The following MYH4 variants were observed in gnomAD, a reference collection of about 807,000 sequenced individuals.
The protein encoded by MYH4 is myosin-4.
A neutral mutation model predicts 229.9 loss-of-function variants in MYH4; 200 were observed. That is an observed-to-expected ratio of 0.87 (90% CI 0.78 to 0.98). The LOEUF (loss-of-function observed/expected upper bound fraction) is 0.98, where lower values mean the gene tolerates loss of function less well. MYH4 is among the 50% of genes least tolerant of loss of function. MYH4 has a pLI of 0.00. For synonymous variants in MYH4, 761 were observed against 834.6 expected, an observed-to-expected ratio of 0.91 and a Z score of 1.52; for missense variants, 2,148 against 2,332.6, an observed-to-expected ratio of 0.92 and a Z score of 1.63.
chr17:10,469,405 A>G (rs941565196), intron 1 of MYH4, 69 bp from the exon 2 acceptor site: 1 of 152,222 alleles, frequency 6.6e-6, no homozygotes, highest in East Asian at 1.9e-4. Flanking sequence ...ACTAGTAACT[A>G]TATTGTCTAC....
intron 15 of MYH4, among the ~76,000 whole-genome samples, chr17:10,458,974 C>T (rs1567704241): frequency 6.6e-6 from 1 of 152,158 alleles, no homozygotes; most frequent in Admixed American, 6.5e-5. Context: ...CCCTTTCTCC[C>T]ATATGCATGA....
rs1292373709 is a variant in MYH4 at position 10,452,105 on chromosome 17, T to G, written c.3574A>C (p.Thr1192Pro). Residue 1192 changes from threonine to proline, a missense_variant, in exon 27 of 40, where the codon ACG becomes CCG. Coordinates refer to ENST00000255381, the MANE Select transcript of MYH4 (RefSeq NM_017533.2). The stretch of plus-strand genomic sequence containing the variant: ...TGCTTCTTCCGAAGAGCAGCTGCCG[T>G]GGCTTCGTGCTGCAGGGTGGACTCT... ...LEESTLQHEA[T>P]AAALRKKHAD... is the part of the protein sequence containing the mutation. 6.2e-6 allele frequency: 10 copies of G among 1,614,052 alleles called. No individual in the cohort carries two copies. The East Asian group carries it at 2.2e-4, about 36-fold the overall frequency.
rs112090583 is a variant in MYH4 at position 10,463,725 on chromosome 17, C to T, written c.649-82G>A. ...TTGACCTCTTTCCCTTCCCCATTGCCCCTGCACAGTATTCTGTAACTTTGG... is the reference window on the plus strand; with the variant it reads ...TTGACCTCTTTCCCTTCCCCATTGCTCCTGCACAGTATTCTGTAACTTTGG... On this transcript the variant is annotated intron_variant, in intron 7 of 39. Coordinates refer to ENST00000255381, the MANE Select transcript of MYH4 (RefSeq NM_017533.2). 2.2e-4 allele frequency: 229 copies of T among 1,063,564 alleles called. 2 individuals carry two copies. In the African/African-American group the frequency reaches 2.9e-3, roughly 14 times the overall value. 65.9% of individuals were successfully genotyped at this position (1,063,564 alleles called of 1,614,324 possible). A position where few individuals can be genotyped will look rare whatever the true frequency, so the allele number is the denominator to read the frequency against.
chr17:10,452,665 T>A, intron 25 of MYH4, 122 bp downstream of exon 25: 1 of 1,306,852 alleles, frequency 7.7e-7, no homozygotes, highest in Non-Finnish European at 1.1e-6. Context: ...AATAAAAAGG[T>A]CAAAGATGTC....
Position 10,443,386 on chromosome 17 carries a change from T to C in MYH4, c.5809A>G (p.Ser1937Gly). The C allele has an allele frequency of 1.2e-6, 2 of 1,614,066 alleles. No homozygotes were observed. The change falls in exon 40 of 40, where the codon AGT (serine) becomes GGT (glycine). Residue 1937 changes from serine to glycine, a missense_variant. Physicochemically the swap from Ser to Gly is moderately conservative, Grantham distance 56. Coordinates refer to ENST00000255381, the MANE Select transcript of MYH4 (RefSeq NM_017533.2). This position sits in a 1 kb window ranked among gnomAD's most constrained non-coding sequence, Gnocchi z 4.6. Reference protein sequence around the residue: ...KSREVHTKVISEE With the variant: ...KSREVHTKVIGEE ...TTCATTAGAATGAATTACTCTTCAC[T>C]TATGACTTTTGTGTGAACCTCCCGA... is the stretch of plus-strand genomic sequence containing the variant.
At chr17:10,446,332 C>T (rs1468301656) in intron 35 of MYH4, among the ~76,000 whole-genome samples, 1 of 151,998 alleles carries the variant, frequency 6.6e-6, no homozygotes, top group Non-Finnish European at 1.5e-5. Flanking sequence ...TGTGCTCTCA[C>T]CAGAGATAAA....
intron 5 of MYH4, among the ~76,000 whole-genome samples, chr17:10,465,145 C>A (rs1015110365): frequency 1.3e-5 from 2 of 152,160 alleles, no homozygotes; most frequent in East Asian, 3.9e-4. Context: ...AGAGTTGATG[C>A]CTAAATTTAA....
chr17:10,444,412 C>T (rs1400002672), intron 39 of MYH4, among the ~76,000 whole-genome samples, 192 bp downstream of exon 39: 2 of 152,076 alleles, frequency 1.3e-5, no homozygotes, highest in Non-Finnish European at 2.9e-5. Context: ...TTAAAGAGGT[C>T]TCAGAAGAAA....
In MYH4 at chr17:10,460,794, C is replaced by T. The variant is rs1233808524; in HGVS notation, c.1147+122G>A. On this transcript the variant is annotated intron_variant, in intron 12 of 39. Coordinates refer to ENST00000255381, the MANE Select transcript of MYH4 (RefSeq NM_017533.2). Reference sequence around the variant, plus strand: ...TAAAACGTCAGGCAGTGTGTAATTTCCTTCTCGTAATACTTTTGCCCTTCA... The same window carrying T: ...TAAAACGTCAGGCAGTGTGTAATTTTCTTCTCGTAATACTTTTGCCCTTCA... 4 of 994,976 alleles carry T rather than the reference C, an allele frequency of 4.0e-6. No homozygotes were observed. The African/African-American group carries it at 6.5e-5, about 16-fold the overall frequency. 61.6% of individuals were successfully genotyped at this position (994,976 alleles called of 1,614,324 possible). A position where few individuals can be genotyped will look rare whatever the true frequency, so the allele number is the denominator to read the frequency against.
In MYH4 at chr17:10,466,878, G is replaced by A. The variant is rs113170264; in HGVS notation, c.-39-94C>T. On this transcript the variant is annotated intron_variant, in intron 2 of 39. Coordinates refer to ENST00000255381, the MANE Select transcript of MYH4 (RefSeq NM_017533.2). ...TTAATGTGCTTAATTTTCCATGCTT[G>A]TTTCCTCACCCCTGCCTTTAGGGAC... The A allele has an allele frequency of 6.2e-4, 714 of 1,144,356 alleles. 6 individuals are homozygous for A. The African/African-American group carries it at 9.9e-3, about 16-fold the overall frequency. The allele number at this position is 1,144,356 out of a possible 1,614,324, so 70.9% of individuals were successfully genotyped here.
At chr17:10,457,230 A>G (rs2072650189) in intron 16 of MYH4, among the ~76,000 whole-genome samples, 190 bp downstream of exon 16, 1 of 152,238 alleles carries the variant, frequency 6.6e-6, no homozygotes, top group Non-Finnish European at 1.5e-5. Flanking sequence ...TAAATGCTCC[A>G]TAGTGTCACT....
In MYH4 at chr17:10,452,845, G is replaced by T; in HGVS notation, c.3199C>A (p.Gln1067Lys). 1 of 1,608,716 alleles carries T rather than the reference G, an allele frequency of 6.2e-7. No homozygotes were observed. The highest frequency in any genetic ancestry group is 1.7e-5 in the Admixed American group (1 of 58,526). ...TTTTCTGTATCCATTGTGGATTCTT[G>T]GGCCAATTTTAGGTCACCCTCCAGT... is the stretch of plus-strand genomic sequence containing the variant. ...RKLEGDLKLA[Q>K]ESTMDTENDK... Residue 1067 changes from glutamine (Q) to lysine (K), a missense_variant, in exon 25 of 40, where the codon CAA becomes AAA. Coordinates refer to ENST00000255381, the MANE Select transcript of MYH4 (RefSeq NM_017533.2).
intron 14 of MYH4, 126 bp from the exon 15 acceptor site, chr17:10,459,547 T>A: frequency 6.7e-7 from 1 of 1,484,274 alleles, no homozygotes; most frequent in Non-Finnish European, 9.1e-7. Context: ...CAGATTGTTT[T>A]CCTATTATAT....
In MYH4 at chr17:10,463,622, T is replaced by C; in HGVS notation, c.670A>G (p.Ile224Val). 4 of 1,610,922 alleles carry C rather than the reference T, an allele frequency of 2.5e-6. No individual in the cohort carries two copies. Among genetic ancestry groups the C allele is most frequent in the East Asian group, 2.2e-5 (1 of 44,858 alleles). The change falls in exon 8 of 40, where the codon ATC (isoleucine) becomes GTC (valine). Residue 224 changes from isoleucine (I) to valine (V), a missense_variant. By Grantham distance (29) the Ile-to-Val change is conservative. Coordinates refer to ENST00000255381, the MANE Select transcript of MYH4 (RefSeq NM_017533.2). ...KMQGTLEDQI[I>V]SANPLLEAFG... The stretch of plus-strand genomic sequence containing the variant: ...GCTTCCAGTAGGGGGTTAGCACTGA[T>C]GATTTGATCTTCAAGGGTCCCCTTA...
At chr17:10,449,598 G>A (rs1470836360) in intron 30 of MYH4, among the ~76,000 whole-genome samples, 1 of 152,194 alleles carries the variant, frequency 6.6e-6, no homozygotes, top group East Asian at 1.9e-4. Context: ...GCATTTTCTA[G>A]TATGGTTCTG....
intron 15 of MYH4, among the ~76,000 whole-genome samples, chr17:10,458,919 C>T (rs2072670806): frequency 6.6e-6 from 1 of 152,174 alleles, no homozygotes; most frequent in African/African-American, 2.4e-5. Context: ...GTCATGGGTA[C>T]ACCAGGGTTA....
chr17:10,452,290 C>T lies in MYH4; in HGVS notation c.3389G>A (p.Arg1130Gln), dbSNP rs1169215994. ...CTTCTCTGCTTTGGCCCGGGAGGCC[C>T]GCTCTGCCTCGATTTCCTCCTCCAG... ...EELEEEIEAERASRAKAEKQR... is the reference protein window; with the variant it reads ...EELEEEIEAEQASRAKAEKQR... The change falls in exon 27 of 40, where the codon CGG (arginine) becomes CAG (glutamine). Residue 1130 changes from arginine (R) to glutamine (Q), a missense_variant. By Grantham distance (43) the Arg-to-Gln change is conservative. Coordinates refer to ENST00000255381, the MANE Select transcript of MYH4 (RefSeq NM_017533.2). The T allele has an allele frequency of 1.2e-6, 2 of 1,614,082 alleles. No individual in the cohort carries two copies. The highest frequency in any genetic ancestry group is 1.7e-5 in the Admixed American group (1 of 60,016).
intron 30 of MYH4, 81 bp downstream of exon 30, chr17:10,450,372 C>T (rs532436059): frequency 1.3e-4 from 201 of 1,605,874 alleles, no homozygotes; most frequent in African/African-American, 6.7e-4. Context: ...TCCCCAAGCC[C>T]GGAATATTCT....
At position 10,444,810 on chromosome 17, in the gene MYH4, C is replaced by T. The variant is rs775519657; in HGVS notation, c.5556G>A (p.Lys1852=). ...KGLRKHERRV[K]ELTYQTEEDR... is the part of the protein sequence containing the mutation. ...CACTGGTCACCTGGTAAGTGAGTTC[C>T]TTCACTCTTCTCTCATGTTTGCGAA... Residue 1852 remains lysine (K), a synonymous_variant, in exon 38 of 40, where the codon AAG becomes AAA. Coordinates refer to ENST00000255381, the MANE Select transcript of MYH4 (RefSeq NM_017533.2). 5 of 1,613,998 alleles carry T rather than the reference C, an allele frequency of 3.1e-6. No homozygotes were observed. Among genetic ancestry groups the T allele is most frequent in the Non-Finnish European group, 4.2e-6 (5 of 1,179,926 alleles).
Sources: allele counts gnomAD v4.1 joint callset (sites outside exome capture counted in the v4.1 genomes callset), GRCh38; gene constraint gnomAD v4.1.1; non-coding constraint Gnocchi (gnomAD v3.1); transcripts MANE v1.5; gene names NCBI Gene and HGNC (gene_info 2026-07-23, HGNC 2026-07-21).